NLRP1: variants seen among roughly 807,000 people sequenced by gnomAD.
The protein encoded by NLRP1 is NACHT, LRR and PYD domains-containing protein 1.
A neutral mutation model predicts 136.7 loss-of-function variants in NLRP1; 94 were observed. The observed-to-expected ratio is 0.69, with a 90% CI of 0.58 to 0.82. The LOEUF (loss-of-function observed/expected upper bound fraction) is 0.82. Ranked by LOEUF, NLRP1 falls within the 40% of genes least tolerant of loss-of-function variation. The probability of loss-of-function intolerance (pLI) is 0.00; values close to 1 mark genes in which losing one functional copy is unlikely to be tolerated. For missense variants in NLRP1, 1,575 were observed against 1,802.7 expected (o/e 0.87, Z 2.29); for synonymous variants, 690 against 725.1 (o/e 0.95, Z 0.78).
In NLRP1 at chr17:5,533,303, C is replaced by T. The variant is rs750659307; in HGVS notation, c.3133+1G>A. 1.3e-6 allele frequency: 2 copies of T among 1,549,040 alleles called. No homozygotes were observed. The highest frequency in any genetic ancestry group is 1.7e-6 in the Non-Finnish European group (2 of 1,144,528). On this transcript the variant is annotated splice_donor_variant, in intron 10 of 16. Coordinates refer to ENST00000572272, the MANE Select transcript of NLRP1 (RefSeq NM_033004.4). LOFTEE classifies it high-confidence loss of function. ...AAGGGGCCAGGCACCGTGGCTCTTG[C>T]CTGCAATCTCAGCAATTGGGAAGAT...
At position 5,558,548 on chromosome 17, in the gene NLRP1, C is replaced by T. The variant is rs1567659794; in HGVS notation, c.2148G>A (p.Leu716=). Residue 716 remains leucine, a synonymous_variant, in exon 4 of 17, where the codon CTG becomes CTA. Coordinates refer to ENST00000572272, the MANE Select transcript of NLRP1 (RefSeq NM_033004.4). ...SLQLLLQPHS[L]ESLHCLYETR... is the part of the protein sequence containing the mutation. ...TCTCGTACAAGCAGTGGAGGGACTC[C>T]AGAGAGTGTGGCTGCAGCAGCAGCT... is the stretch of plus-strand genomic sequence containing the variant. 1.2e-6 allele frequency: 2 copies of T among 1,613,962 alleles called. No homozygotes were observed. The highest frequency in any genetic ancestry group is 2.2e-5 in the South Asian group (2 of 91,062).
chr17:5,565,290 G>A (rs1915211405), intron 3 of NLRP1, among the ~76,000 whole-genome samples: 1 of 152,146 alleles, frequency 6.6e-6, no homozygotes, highest in Admixed American at 6.6e-5. Context: ...CTTCTTCTGA[G>A]AAACGTCTAT....
At chr17:5,512,303 C>G (rs9911319), downstream of NLRP1, 1 of 1,481,678 alleles carries the variant, frequency 6.7e-7, no homozygotes, top group South Asian at 1.1e-5. Context: ...ACAAAACATT[C>G]TGCAAAAGGA....
At chr17:5,535,631 C>T (rs1910949491) in intron 8 of NLRP1, among the ~76,000 whole-genome samples, 1 of 152,238 alleles carries the variant, frequency 6.6e-6, no homozygotes, top group Non-Finnish European at 1.5e-5. Flanking sequence ...TGGGTTGTGT[C>T]TTTCTTGTTC....
At chr17:5,534,443 T>C (rs1910758784) in intron 8 of NLRP1, among the ~76,000 whole-genome samples, 2 of 152,180 alleles carry the variant, frequency 1.3e-5, no homozygotes, top group South Asian at 4.1e-4. Flanking sequence ...GGTCCCTGTC[T>C]CTGTGAGCAG....
intron 3 of NLRP1, among the ~76,000 whole-genome samples, chr17:5,561,919 G>C (rs1268431995): frequency 6.6e-6 from 1 of 152,196 alleles, no homozygotes; most frequent in Non-Finnish European, 1.5e-5. Context: ...CAAACTCCCG[G>C]TTCCCCGAGA....
rs530274359 is a variant in NLRP1 at position 5,530,636 on chromosome 17, G to A, written c.3365C>T (p.Ala1122Val). ...NTGLCFVMRE[A>V]VTVEIEFCVW... ...ACAGAATTCAATCTCAACGGTCACC[G>A]CTTCTCTCATCACAAAGCAGAGACC... Residue 1122 changes from alanine to valine, a missense_variant, in exon 12 of 17, where the codon GCG becomes GTG. Ala to Val is a moderately conservative substitution (Grantham distance 64, BLOSUM62 0). Coordinates refer to ENST00000572272, the MANE Select transcript of NLRP1 (RefSeq NM_033004.4). The A allele has an allele frequency of 5.0e-6, 8 of 1,614,182 alleles. No individual in the cohort carries two copies. The highest frequency in any genetic ancestry group is 2.7e-5 in the African/African-American group (2 of 75,032).
rs949195871 is a variant in NLRP1, at chr17:5,533,146, G to A, written c.3133+158C>T. The stretch of plus-strand genomic sequence containing the variant: ...CCTGCTCCATGGCTGCCTGCCTGCT[G>A]TCTGGGGAGCCCCACTCCAGTGCCT... On this transcript the variant is annotated intron_variant, in intron 10 of 16. Coordinates refer to ENST00000572272, the MANE Select transcript of NLRP1 (RefSeq NM_033004.4). 3 of 1,446,176 alleles carry A rather than the reference G, an allele frequency of 2.1e-6. No individual in the cohort carries two copies. The African/African-American group carries it at 4.3e-5, about 21-fold the overall frequency. The allele number at this position is 1,446,176 out of a possible 1,614,324, so 89.6% of individuals were successfully genotyped here.
At position 5,504,900 on chromosome 17, in the gene NLRP1, T is replaced by C. The variant is rs1164136449; in HGVS notation, c.4070-3028A>G. The C allele has an allele frequency of 6.5e-6, 1 of 153,406 alleles. No individual in the cohort carries two copies. The highest frequency in any genetic ancestry group is 1.5e-5 in the Non-Finnish European group (1 of 68,296). 9.5% of individuals were successfully genotyped at this position (153,406 alleles called of 1,614,324 possible). A position where few individuals can be genotyped will look rare whatever the true frequency, so the allele number is the denominator to read the frequency against. ...GGCCACTTTTAGCTCGAAGTGTTCA[T>C]GCCCAGCTGAGGAAACAGGCTTTGG... On this transcript the variant is annotated intron_variant, in intron 15 of 15. Transcript: ENST00000262467. The surrounding 1 kb of genome is among the most constrained non-coding windows in gnomAD (Gnocchi z 4.4).
At chr17:5,561,085 T>C (rs1320349462) in intron 3 of NLRP1, among the ~76,000 whole-genome samples, 3 of 152,244 alleles carry the variant, frequency 2.0e-5, no homozygotes, top group Non-Finnish European at 2.9e-5. Flanking sequence ...AGGCAGAGTT[T>C]CTCTCTTGTC....
In NLRP1 at chr17:5,583,624, G is replaced by C; in HGVS notation, c.271+63C>G. 2.0e-6 allele frequency: 3 copies of C among 1,490,138 alleles called. No homozygotes were observed. Among genetic ancestry groups the C allele is most frequent in the Non-Finnish European group, 2.7e-6 (3 of 1,106,474 alleles). The allele number at this position is 1,490,138 out of a possible 1,614,324, so 92.3% of individuals were successfully genotyped here. A position where few individuals can be genotyped will look rare whatever the true frequency, so the allele number is the denominator to read the frequency against. On this transcript the variant is annotated intron_variant, in intron 1 of 16. Transcript: ENST00000572272. The surrounding 1 kb of genome is among the most constrained non-coding windows in gnomAD (Gnocchi z 4.5). ...AGGGCTCAGTGGTGGGGTCCCAAGA[G>C]GGCAGGGCAGGCATGAGGGCCAGGG...
At chr17:5,547,614 TA>T (rs1360565512) in intron 5 of NLRP1, among the ~76,000 whole-genome samples, 2 of 152,232 alleles carry the variant, frequency 1.3e-5, no homozygotes, top group Non-Finnish European at 2.9e-5. Context: ...TATGCCAATG[TA>T]AAAAGAGTAC....
chr17:5,515,785 C>T (rs1908024769), intron 15 of NLRP1, among the ~76,000 whole-genome samples: 1 of 152,180 alleles, frequency 6.6e-6, no homozygotes, highest in South Asian at 2.1e-4. Flanking sequence ...AGCAATTTCT[C>T]CTATAACATC....
At position 5,584,154 on chromosome 17, in the gene NLRP1, G is replaced by A; in HGVS notation, c.-197C>T. ...GAGTGGTAGGAAAAGCCAGGGGAGGGAGGAGCCCAGAGGGGCCTGCAAGAC... is the reference window on the plus strand; with the variant it reads ...GAGTGGTAGGAAAAGCCAGGGGAGGAAGGAGCCCAGAGGGGCCTGCAAGAC... On this transcript the variant is annotated 5_prime_UTR_variant, in exon 1 of 17. Coordinates refer to ENST00000572272, the MANE Select transcript of NLRP1 (RefSeq NM_033004.4). 1.6e-6 allele frequency: 1 copy of A among 606,088 alleles called. No individual in the cohort carries two copies. Among genetic ancestry groups the A allele is most frequent in the Non-Finnish European group, 2.9e-6 (1 of 345,560 alleles). The allele number at this position is 606,088 out of a possible 1,614,324, so 37.5% of individuals were successfully genotyped here. A position where few individuals can be genotyped will look rare whatever the true frequency, so the allele number is the denominator to read the frequency against.
At chr17:5,520,596 C>T (rs1908768475) in intron 14 of NLRP1, among the ~76,000 whole-genome samples, 1 of 152,156 alleles carries the variant, frequency 6.6e-6, no homozygotes, top group South Asian at 2.1e-4. Context: ...CAGGTTTGTT[C>T]CTGGTGGTCT....
chr17:5,550,431 G>A (rs1913198121), intron 5 of NLRP1, among the ~76,000 whole-genome samples: 1 of 152,074 alleles, frequency 6.6e-6, no homozygotes, highest in Admixed American at 6.6e-5. Flanking sequence ...AGGTATTCGT[G>A]TCTTTCTGGA....
At chr17:5,545,037 C>T (rs1297934325) in intron 5 of NLRP1, among the ~76,000 whole-genome samples, 4 of 152,132 alleles carry the variant, frequency 2.6e-5, no homozygotes, top group Admixed American at 2.6e-4. Flanking sequence ...CCATCCTCTC[C>T]AAAAATCTCT....
chr17:5,555,293 C>G (rs947249670), intron 4 of NLRP1, among the ~76,000 whole-genome samples: 1 of 152,126 alleles, frequency 6.6e-6, no homozygotes, highest in Non-Finnish European at 1.5e-5. Context: ...CTGGTTGGTT[C>G]TCCTCTTCCT....
Position 5,558,520 on chromosome 17 carries a change from G to C in NLRP1, c.2176C>G (p.Arg726Gly). 2.5e-6 allele frequency: 4 copies of C among 1,614,014 alleles called. No homozygotes were observed. Among genetic ancestry groups the C allele is most frequent in the Non-Finnish European group, 3.4e-6 (4 of 1,179,998 alleles). Residue 726 changes from arginine (R) to glycine (G), a missense_variant, in exon 4 of 17, where the codon CGG becomes GGG. Coordinates refer to ENST00000572272, the MANE Select transcript of NLRP1 (RefSeq NM_033004.4). ...ACTTGTGTCAGGAACGTTTTGTTCCGAGTCTCGTACAAGCAGTGGAGGGAC... is the reference window on the plus strand; with the variant it reads ...ACTTGTGTCAGGAACGTTTTGTTCCCAGTCTCGTACAAGCAGTGGAGGGAC... ...LESLHCLYETRNKTFLTQVMA... is the reference protein window; with the variant it reads ...LESLHCLYETGNKTFLTQVMA...
Sources: allele counts gnomAD v4.1 joint callset (sites outside exome capture counted in the v4.1 genomes callset), GRCh38; gene constraint gnomAD v4.1.1; non-coding constraint Gnocchi (gnomAD v3.1); transcripts MANE v1.5; gene names NCBI Gene and HGNC (gene_info 2026-07-23, HGNC 2026-07-21).